The following SDK1 variants were observed in gnomAD, a reference collection of about 807,000 sequenced individuals.
SDK1 encodes protein sidekick-1.
Under a neutral mutation model 245.5 loss-of-function variants are expected in SDK1, and 157 were observed. That is an observed-to-expected ratio of 0.64 (90% confidence interval 0.56 to 0.73). The LOEUF is 0.73. Among genes scored for constraint, SDK1 ranks in the 30% least tolerant of loss-of-function variants. The probability of loss-of-function intolerance (pLI) is 0.00; values close to 1 mark genes in which losing one functional copy is unlikely to be tolerated. For missense variants in SDK1, 3,583 were observed against 3,002.3 expected (o/e 1.19, Z -4.52); for synonymous variants, 1,647 against 1,278.5 (o/e 1.29, Z -6.15).
chr7:3,794,956 C>T (rs951212378), intron 4 of SDK1, among the ~76,000 whole-genome samples: 1 of 151,786 alleles, frequency 6.6e-6, no homozygotes, highest in African/African-American at 2.4e-5. Flanking sequence ...GATCACTATT[C>T]ATGTTGTTGT....
At chr7:3,927,885 G>A (rs979678677) in intron 5 of SDK1, among the ~76,000 whole-genome samples, 7 of 152,256 alleles carry the variant, frequency 4.6e-5, no homozygotes, top group African/African-American at 1.4e-4. Flanking sequence ...GTTCCTCACC[G>A]CAGAACTACA....
intron 14 of SDK1, among the ~76,000 whole-genome samples, chr7:4,007,870 C>T (rs1785612211): frequency 6.6e-6 from 1 of 152,152 alleles, no homozygotes; most frequent in Admixed American, 6.5e-5. Context: ...TCCAAAAGTG[C>T]AGGGATTACA....
intron 1 of SDK1, among the ~76,000 whole-genome samples, chr7:3,530,450 T>A (rs1783304217): frequency 6.6e-6 from 1 of 152,210 alleles, no homozygotes; most frequent in Non-Finnish European, 1.5e-5. Flanking sequence ...TGTAATGTTA[T>A]TAACCTGTGC....
chr7:3,843,301 A>G (rs567346020), intron 5 of SDK1, among the ~76,000 whole-genome samples: 1 of 152,350 alleles, frequency 6.6e-6, no homozygotes, highest in African/African-American at 2.4e-5. Context: ...GGCTTTGTCT[A>G]TGTGAGTGGG....
chr7:3,456,315 A>G (rs1780664676), intron 1 of SDK1, among the ~76,000 whole-genome samples: 1 of 152,256 alleles, frequency 6.6e-6, no homozygotes, highest in African/African-American at 2.4e-5. Context: ...AGCCCCAGCA[A>G]CTTTCTCCTC....
chr7:4,225,035 A>T (rs2128233395), intron 40 of SDK1, among the ~76,000 whole-genome samples: 1 of 148,342 alleles, frequency 6.7e-6, no homozygotes, highest in South Asian at 2.2e-4. Flanking sequence ...GCACTAGAAA[A>T]CTACAGAAGG....
intron 14 of SDK1, among the ~76,000 whole-genome samples, chr7:3,991,255 C>G (rs1191852951): frequency 6.6e-6 from 1 of 152,118 alleles, no homozygotes; most frequent in African/African-American, 2.4e-5. Flanking sequence ...AACAACTGCC[C>G]GTGAGATGGG....
intron 1 of SDK1, among the ~76,000 whole-genome samples, chr7:3,587,772 C>G (rs957646754): frequency 6.6e-6 from 1 of 152,214 alleles, no homozygotes; most frequent in African/African-American, 2.4e-5. Flanking sequence ...GTACACTGCC[C>G]CTTGGCCTTT....
chr7:4,036,073 G>A (rs1373597753), intron 17 of SDK1, among the ~76,000 whole-genome samples: 2 of 152,128 alleles, frequency 1.3e-5, no homozygotes, highest in Non-Finnish European at 1.5e-5. Context: ...TTTTATTCTT[G>A]TGATGACTTC....
chr7:3,693,664 T>C (rs762290085), intron 4 of SDK1, among the ~76,000 whole-genome samples: 9 of 152,338 alleles, frequency 5.9e-5, no homozygotes, highest in Non-Finnish European at 1.0e-4. Context: ...ATAATTGTTA[T>C]CTTTCTCTCT....
chr7:3,773,926 G>T (rs1780475634), intron 4 of SDK1, among the ~76,000 whole-genome samples: 1 of 152,128 alleles, frequency 6.6e-6, no homozygotes, highest in Non-Finnish European at 1.5e-5. Flanking sequence ...AAAGAATACT[G>T]GCCTTTGGCC....
chr7:3,989,253 A>C (rs7778552), intron 14 of SDK1, among the ~76,000 whole-genome samples: 2,614 of 152,324 alleles, frequency 0.017, 73 homozygotes, highest in African/African-American at 0.06. Context: ...CATGTCTCAC[A>C]TGGCGGCAGA....
intron 44 of SDK1, among the ~76,000 whole-genome samples, chr7:4,259,944 G>C (rs956162686): frequency 8.5e-5 from 13 of 152,224 alleles, no homozygotes; most frequent in Non-Finnish European, 1.6e-4. Flanking sequence ...AGTGGGAATT[G>C]TAACATCTGC....
chr7:3,978,015 A>T (rs1292069502), intron 13 of SDK1, among the ~76,000 whole-genome samples: 3 of 152,034 alleles, frequency 2.0e-5, no homozygotes, highest in Non-Finnish European at 4.4e-5. Flanking sequence ...AAACCCAAAC[A>T]GTGAGTACCC....
chr7:4,040,827 GA>G (rs1401539867), intron 17 of SDK1, among the ~76,000 whole-genome samples: 1 of 152,206 alleles, frequency 6.6e-6, no homozygotes, highest in Non-Finnish European at 1.5e-5. Flanking sequence ...TGGTGACAAA[GA>G]AAACGGAAGA....
At chr7:3,788,330 A>G (rs1399297945) in intron 4 of SDK1, among the ~76,000 whole-genome samples, 1 of 152,122 alleles carries the variant, frequency 6.6e-6, no homozygotes, top group Non-Finnish European at 1.5e-5. Context: ...GTGTGCGGTC[A>G]GTGTGTGAAA....
chr7:3,448,275 G>A (rs1406019595), intron 1 of SDK1, among the ~76,000 whole-genome samples: 1 of 151,974 alleles, frequency 6.6e-6, no homozygotes, highest in Non-Finnish European at 1.5e-5. Flanking sequence ...AAGTTGAACG[G>A]CTTATGTTTA....
intron 5 of SDK1, among the ~76,000 whole-genome samples, chr7:3,868,489 AT>A (rs1213526901): frequency 6.6e-6 from 1 of 152,208 alleles, no homozygotes; most frequent in African/African-American, 2.4e-5. Flanking sequence ...TGAATTTGCT[AT>A]TTTAGTTGAA....
At chr7:3,581,854 G>A (rs1475794446) in intron 1 of SDK1, among the ~76,000 whole-genome samples, 1 of 152,224 alleles carries the variant, frequency 6.6e-6, no homozygotes, top group East Asian at 1.9e-4. Flanking sequence ...CAGGGACATG[G>A]GTGAAGCTGG....
Sources: gnomAD v4.1 joint callset for allele counts (sites outside exome capture counted in the v4.1 genomes callset) on GRCh38, gnomAD v4.1.1 for gene constraint, MANE v1.5 for transcripts, NCBI Gene and HGNC (gene_info 2026-07-23, HGNC 2026-07-21) for gene names.